The following EPB42 variants were observed in gnomAD, a reference collection of about 807,000 sequenced individuals.
The protein encoded by EPB42 is protein 4.2.
In EPB42, 49 loss-of-function variants were observed where a neutral mutation model predicts 76.9. That is an observed-to-expected ratio of 0.64 (90% CI 0.51 to 0.81). The LOEUF (loss-of-function observed/expected upper bound fraction) is 0.81, where lower values mean the gene tolerates loss of function less well. EPB42 is among the 30% of genes least tolerant of loss of function. EPB42 has a pLI of 0.00. For missense variants in EPB42, 731 were observed against 867.6 expected, an observed-to-expected ratio of 0.84 and a Z score of 1.98; for synonymous variants, 310 against 338.4, an observed-to-expected ratio of 0.92 and a Z score of 0.92.
Position 43,207,226 on chromosome 15 carries a change from T to A in EPB42, c.1291A>T (p.Ile431Phe), listed in dbSNP as rs765178121. 6.2e-7 allele frequency: 1 copy of A among 1,614,096 alleles called. No homozygotes were observed. The highest frequency in any genetic ancestry group is 8.5e-7 in the Non-Finnish European group (1 of 1,179,960). ...TCAGGATACTTGTAGTTCTGAGTGA[T>A]GTCCTCGCAGCGGTCACTGCCCACA... ...KGVGSDRCEDITQNYKYPEGS... is the reference protein window; with the variant it reads ...KGVGSDRCEDFTQNYKYPEGS... Residue 431 changes from isoleucine to phenylalanine, a missense_variant, in exon 9 of 13, where the codon ATC becomes TTC. Coordinates refer to ENST00000441366, the MANE Select transcript of EPB42 (RefSeq NM_001114134.2).
At chr15:43,209,151 T>C in intron 6 of EPB42, 123 bp downstream of exon 6, 1 of 1,139,254 alleles carries the variant, frequency 8.8e-7, no homozygotes, top group South Asian at 1.3e-5. Flanking sequence ...TACTTCTGTG[T>C]GATGAGATGG....
intron 3 of EPB42, 42 bp from the exon 4 acceptor site, chr15:43,211,576 A>G (rs1236242401): frequency 3.0e-6 from 4 of 1,312,536 alleles, no homozygotes; most frequent in Non-Finnish European, 4.4e-6. Flanking sequence ...TGGGGGTCCT[A>G]GGTCCACCCT....
Position 43,208,639 on chromosome 15 carries a change from G to T in EPB42, c.969C>A (p.Ile323=). 2 of 1,614,124 alleles carry T rather than the reference G, an allele frequency of 1.2e-6. No individual in the cohort carries two copies. Among genetic ancestry groups the T allele is most frequent in the Non-Finnish European group, 1.7e-6 (2 of 1,179,984 alleles). The change falls in exon 7 of 13, where the codon ATC becomes ATA. Residue 323 remains isoleucine (I), a splice_region_variant and synonymous_variant. Transcript: ENST00000441366. ...CTCATCTCCCTTGGGCTTCTCACCA[G>T]ATTCTGCCTCTCTGGCCTTCTCCGT... ...LQNGEGQRGR[I]WIFQTSTECW...
In EPB42 at chr15:43,206,755, G is replaced by A. The variant is rs899096447; in HGVS notation, c.1319-126C>T. 26 of 1,157,268 alleles carry A rather than the reference G, an allele frequency of 2.2e-5. No individual in the cohort carries two copies. The African/African-American group carries it at 3.4e-4, about 15-fold the overall frequency. The allele number at this position is 1,157,268 out of a possible 1,614,324, so 71.7% of individuals were successfully genotyped here. A position where few individuals can be genotyped will look rare whatever the true frequency, so the allele number is the denominator to read the frequency against. ...TGCCAAAGTCACAAGAACTCAGCAA[G>A]CCTCTAAGGCCATATTTAGCCCAAA... On this transcript the variant is annotated intron_variant, in intron 9 of 12. Coordinates refer to ENST00000441366, the MANE Select transcript of EPB42 (RefSeq NM_001114134.2). The surrounding 1 kb of genome is among the most constrained non-coding windows in gnomAD (Gnocchi z 4.7).
chr15:43,202,610 C>A (rs2042143022), intron 11 of EPB42, among the ~76,000 whole-genome samples: 2 of 152,322 alleles, frequency 1.3e-5, no homozygotes, highest in South Asian at 4.1e-4. Flanking sequence ...TAAACTATAA[C>A]CTGCTTGCGG....
chr15:43,208,888 G>A, intron 6 of EPB42, 113 bp from the exon 7 acceptor site: 1 of 1,283,808 alleles, frequency 7.8e-7, no homozygotes, highest in Middle Eastern at 2.7e-4. Context: ...GGAAAGAAGA[G>A]GAGTGCAGGA....
At chr15:43,199,177 C>T (rs917671788) in intron 12 of EPB42, among the ~76,000 whole-genome samples, 1 of 152,224 alleles carries the variant, frequency 6.6e-6, no homozygotes, top group Admixed American at 6.5e-5. Flanking sequence ...ATCCTCCACA[C>T]CCCAGAATGG....
At chr15:43,207,131 G>T in intron 9 of EPB42, 68 bp downstream of exon 9, 1 of 1,607,066 alleles carries the variant, frequency 6.2e-7, no homozygotes. Flanking sequence ...GCATCTACCA[G>T]GCCCATCCCT....
Position 43,220,951 on chromosome 15 carries a change from A to G in EPB42, c.-126T>C. 1 of 848,762 alleles carries G rather than the reference A, an allele frequency of 1.2e-6. No individual in the cohort carries two copies. Among genetic ancestry groups the G allele is most frequent in the Non-Finnish European group, 1.9e-6 (1 of 512,950 alleles). The allele number at this position is 848,762 out of a possible 1,614,324, so 52.6% of individuals were successfully genotyped here. A position where few individuals can be genotyped will look rare whatever the true frequency, so the allele number is the denominator to read the frequency against. ...ATATGAAGGCACTTTTGTTGGCTTAAGAATCTGGAAATAGCAAAACCTCCC... is the reference window on the plus strand; with the variant it reads ...ATATGAAGGCACTTTTGTTGGCTTAGGAATCTGGAAATAGCAAAACCTCCC... On this transcript the variant is annotated 5_prime_UTR_variant, in exon 1 of 13. Coordinates refer to ENST00000441366, the MANE Select transcript of EPB42 (RefSeq NM_001114134.2).
chr15:43,216,816 C>T (rs2142321193), intron 1 of EPB42, among the ~76,000 whole-genome samples: 1 of 152,216 alleles, frequency 6.6e-6, no homozygotes, highest in South Asian at 2.1e-4. Context: ...TGAATAAAAC[C>T]CAAAATCTTT....
In EPB42 at chr15:43,221,015, T is replaced by C; in HGVS notation, c.-190A>G. The C allele has an allele frequency of 1.6e-6, 1 of 624,996 alleles. No individual in the cohort carries two copies. Among genetic ancestry groups the C allele is most frequent in the South Asian group, 1.8e-5 (1 of 56,170 alleles). 38.7% of individuals were successfully genotyped at this position (624,996 alleles called of 1,614,324 possible). A position where few individuals can be genotyped will look rare whatever the true frequency, so the allele number is the denominator to read the frequency against. Reference sequence around the variant, plus strand: ...TGAGCACCCTGACATGTTTCTTCTCTCCTACTCCCTCTCTGCTGGTATCTC... The same window carrying C: ...TGAGCACCCTGACATGTTTCTTCTCCCCTACTCCCTCTCTGCTGGTATCTC... On this transcript the variant is annotated 5_prime_UTR_variant, in exon 1 of 13. Transcript: ENST00000441366.
At chr15:43,201,148 G>C (rs888854764) in intron 12 of EPB42, among the ~76,000 whole-genome samples, 3 of 152,206 alleles carry the variant, frequency 2.0e-5, no homozygotes, top group African/African-American at 7.2e-5. Flanking sequence ...AAGGAGACTT[G>C]TGTGAGGATG....
At chr15:43,221,130 G>A, upstream of EPB42, 1 of 426,682 alleles carries the variant, frequency 2.3e-6, no homozygotes, top group South Asian at 2.1e-5. Context: ...CTGGGGGAGG[G>A]GGTGGGATGG....
At position 43,206,015 on chromosome 15, in the gene EPB42, G is replaced by C. The variant is rs150692406; in HGVS notation, c.1618+315C>G. 2.6e-3 allele frequency: 747 copies of C among 287,678 alleles called. 3 individuals carry two copies. The highest frequency in any genetic ancestry group is 0.015 in the African/African-American group (703 of 47,200). 17.8% of individuals were successfully genotyped at this position (287,678 alleles called of 1,614,324 possible). On this transcript the variant is annotated intron_variant, in intron 10 of 12. Coordinates refer to ENST00000441366, the MANE Select transcript of EPB42 (RefSeq NM_001114134.2). The surrounding 1 kb of genome is among the most constrained non-coding windows in gnomAD (Gnocchi z 4.7). ...GATTCCATGCAGTACAATTTATTTG[G>C]GGGCAGCTTATTCCAGCCTGGGGGG...
chr15:43,202,093 T>A (rs1596403310), intron 11 of EPB42, 116 bp from the exon 12 acceptor site: 1 of 1,400,170 alleles, frequency 7.1e-7, no homozygotes, highest in Non-Finnish European at 9.7e-7. Flanking sequence ...CCAAGCTGAC[T>A]CAAACTTCAC....
At chr15:43,216,545 T>C (rs2042382259) in intron 1 of EPB42, 92 bp from the exon 2 acceptor site, 2 of 1,404,596 alleles carry the variant, frequency 1.4e-6, no homozygotes, top group Admixed American at 3.6e-5. Context: ...ACCAGGGTTC[T>C]AATCCTCGGC....
intron 10 of EPB42, among the ~76,000 whole-genome samples, chr15:43,204,935 C>T (rs2042177005): frequency 1.3e-5 from 2 of 150,750 alleles, no homozygotes; most frequent in South Asian, 2.1e-4. Flanking sequence ...GTCTCTGAAC[C>T]TACTCTGGCT....
chr15:43,219,659 A>G (rs761726530), intron 1 of EPB42, among the ~76,000 whole-genome samples: 9 of 152,212 alleles, frequency 5.9e-5, no homozygotes, highest in Non-Finnish European at 8.8e-5. Flanking sequence ...AATAAAAAGA[A>G]CGATTTGGCC....
At position 43,208,697 on chromosome 15, in the gene EPB42, A is replaced by G; in HGVS notation, c.911T>C (p.Ile304Thr). 6.2e-7 allele frequency: 1 copy of G among 1,614,132 alleles called. No homozygotes were observed. The highest frequency in any genetic ancestry group is 8.5e-7 in the Non-Finnish European group (1 of 1,180,016). The change falls in exon 7 of 13, where the codon ATA (isoleucine) becomes ACA (threonine). Residue 304 changes from isoleucine (I) to threonine (T), a missense_variant. Transcript: ENST00000441366. ...SAQGTGGRLL[I>T]DEYYNEEGLQ... ...TCCCTCCTCATTATAGTATTCATCT[A>G]TGAGAAGACGCCCACCGGTGCCCTG...
Sources: gnomAD v4.1 joint callset for allele counts (sites outside exome capture counted in the v4.1 genomes callset) on GRCh38, gnomAD v4.1.1 for gene constraint, Gnocchi (gnomAD v3.1) non-coding constraint, MANE v1.5 for transcripts, NCBI Gene and HGNC (gene_info 2026-07-23, HGNC 2026-07-21) for gene names.